AGAP3: variants seen among roughly 807,000 people sequenced by gnomAD.
AGAP3 encodes the protein arf-GAP with GTPase, ANK repeat and PH domain-containing protein 3.
In AGAP3, 24 loss-of-function variants were observed where a neutral mutation model predicts 96.9. The ratio of observed to expected loss-of-function variants is 0.25; its 90% CI spans 0.18 to 0.35. The LOEUF (loss-of-function observed/expected upper bound fraction) is 0.35. Ranked by LOEUF, AGAP3 falls within the 10% of genes least tolerant of loss-of-function variation. AGAP3 has a pLI of 1.00. For synonymous variants in AGAP3, 563 were observed against 536.1 expected (o/e 1.05, Z -0.69); for missense variants, 876 against 1,254.2 (o/e 0.70, Z 4.55).
chr7:151,119,851 C>T lies in AGAP3; in HGVS notation c.970-136C>T, dbSNP rs1799785340. The T allele has an allele frequency of 4.1e-6, 3 of 732,382 alleles. No homozygotes were observed. In the South Asian group the frequency reaches 5.4e-5, roughly 13 times the overall value. 45.4% of individuals were successfully genotyped at this position (732,382 alleles called of 1,614,324 possible). Reference sequence around the variant, plus strand: ...CAGGTGAATGTTCCCCCCATATCATCTGTAGGGGCTAGTGGCCCCTCTGCT... The same window carrying T: ...CAGGTGAATGTTCCCCCCATATCATTTGTAGGGGCTAGTGGCCCCTCTGCT... On this transcript the variant is annotated intron_variant, in intron 7 of 17. Transcript: ENST00000397238.
At position 151,142,168 on chromosome 7, in the gene AGAP3, A is replaced by T; in HGVS notation, c.1965A>T (p.Arg655=). ...QGCRSAKDKT[R]LGNQNAALAV... is the part of the protein sequence containing the mutation. ...TCTCTCCTGCTGTGCGACAGACTCGACTGGGGAACCAGAACGCAGCTCTGG... is the reference window on the plus strand; with the variant it reads ...TCTCTCCTGCTGTGCGACAGACTCGTCTGGGGAACCAGAACGCAGCTCTGG... Residue 655 remains arginine, a synonymous_variant, in exon 15 of 18, where the codon CGA becomes CGT. Coordinates refer to ENST00000397238, the MANE Select transcript of AGAP3 (RefSeq NM_031946.7). The surrounding 1 kb of genome is among the most constrained non-coding windows in gnomAD (Gnocchi z 7.5). 1 of 1,613,796 alleles carries T rather than the reference A, an allele frequency of 6.2e-7. No individual in the cohort carries two copies. The highest frequency in any genetic ancestry group is 1.7e-5 in the Admixed American group (1 of 60,014).
Position 151,138,161 on chromosome 7 carries a change from G to A in AGAP3, c.1514G>A (p.Ser505Asn). 6.2e-7 allele frequency: 1 copy of A among 1,603,904 alleles called. No individual in the cohort carries two copies. The highest frequency in any genetic ancestry group is 8.5e-7 in the Non-Finnish European group (1 of 1,175,820). The change falls in exon 12 of 18, where the codon AGC (serine) becomes AAC (asparagine). Residue 505 changes from serine (S) to asparagine (N), a missense_variant. Ser to Asn is a conservative substitution (Grantham distance 46, BLOSUM62 1). Coordinates refer to ENST00000397238, the MANE Select transcript of AGAP3 (RefSeq NM_031946.7). ...GGGTGAPHSA[S>N]SASLHSERPL... Reference sequence around the variant, plus strand: ...CCCCCAGGTGCCCCCCACTCGGCCAGCAGCGCATCCCTGCACTCTGAGCGC... The same window carrying A: ...CCCCCAGGTGCCCCCCACTCGGCCAACAGCGCATCCCTGCACTCTGAGCGC...
At chr7:151,119,163 C>T (rs1050940984) in intron 7 of AGAP3, 41 of 175,696 alleles carry the variant, frequency 2.3e-4, no homozygotes, top group African/African-American at 8.7e-4. Context: ...CCGACACCGA[C>T]GGAGTGGGGC....
chr7:151,132,577 T>C (rs1198835816), intron 10 of AGAP3, among the ~76,000 whole-genome samples: 1 of 152,210 alleles, frequency 6.6e-6, no homozygotes, highest in African/African-American at 2.4e-5. Flanking sequence ...CATAGCCACC[T>C]TGAGAATGAA....
At chr7:151,117,046 C>T (rs371496864) in intron 2 of AGAP3, 49 bp from the exon 3 acceptor site, 143 of 1,573,884 alleles carry the variant, frequency 9.1e-5, no homozygotes, top group Non-Finnish European at 1.2e-4. Context: ...TGGGTCTTCT[C>T]CCTCGTGCCC....
chr7:151,124,649 C>T (rs981537997), intron 9 of AGAP3, among the ~76,000 whole-genome samples: 1 of 152,168 alleles, frequency 6.6e-6, no homozygotes, highest in African/African-American at 2.4e-5. Context: ...AGGAGGCTCA[C>T]GTGGCCAGAG....
intron 1 of AGAP3, among the ~76,000 whole-genome samples, chr7:151,087,457 G>A (rs1432496991): frequency 6.6e-6 from 1 of 152,164 alleles, no homozygotes; most frequent in African/African-American, 2.4e-5. Context: ...GCAGTGGGGC[G>A]GGGGATCGGA....
chr7:151,128,512 C>A, intron 9 of AGAP3, 68 bp from the exon 10 acceptor site: 1 of 1,365,954 alleles, frequency 7.3e-7, no homozygotes, highest in Non-Finnish European at 1.0e-6. Flanking sequence ...CTGACGACAT[C>A]GTGACCTCCT....
Position 151,118,685 on chromosome 7 carries a change from C to T in AGAP3, c.969+53C>T. On this transcript the variant is annotated intron_variant, in intron 7 of 17. Transcript: ENST00000397238. The surrounding 1 kb of genome is among the most constrained non-coding windows in gnomAD (Gnocchi z 6.1). ...CCTGTCCCCACCATGTCTGTCTTGC[C>T]TCTGTGCGTCCTGCCACTTCTGCTG... 6.9e-6 allele frequency: 11 copies of T among 1,590,100 alleles called. No homozygotes were observed. The South Asian group carries it at 1.1e-4, about 16-fold the overall frequency.
At chr7:151,107,310 CAAA>C (rs1349995253) in intron 1 of AGAP3, among the ~76,000 whole-genome samples, 4 of 70,034 alleles carry the variant, frequency 5.7e-5, no homozygotes, top group Non-Finnish European at 9.1e-5. Context: ...GACTCCGGCT[CAAA>C]AAAAAAAAAA....
In AGAP3 at chr7:151,118,186, C is replaced by T. The variant is rs1355318099; in HGVS notation, c.707-24C>T. On this transcript the variant is annotated intron_variant, in intron 5 of 17. Coordinates refer to ENST00000397238, the MANE Select transcript of AGAP3 (RefSeq NM_031946.7). The surrounding 1 kb of genome is among the most constrained non-coding windows in gnomAD (Gnocchi z 6.1). The stretch of plus-strand genomic sequence containing the variant: ...CCCAGCTTCTCCGAAAGCTGAATGA[C>T]TCCCGCCCTCCCACCTCCAACAGAT... 17 of 1,591,724 alleles carry T rather than the reference C, an allele frequency of 1.1e-5. No homozygotes were observed. Among genetic ancestry groups the T allele is most frequent in the Non-Finnish European group, 1.4e-5 (16 of 1,164,904 alleles).
Position 151,141,444 on chromosome 7 carries a change from T to C in AGAP3, c.1805-454T>C. On this transcript the variant is annotated intron_variant, in intron 13 of 17. Coordinates refer to ENST00000397238, the MANE Select transcript of AGAP3 (RefSeq NM_031946.7). The surrounding 1 kb of genome is among the most constrained non-coding windows in gnomAD (Gnocchi z 4.2). ...CCCACGCTGACGCCGTCAGGAATAT[T>C]GGGTTTAATGAGCTGCAAAATGAGG... is the stretch of plus-strand genomic sequence containing the variant. 1 of 169,350 alleles carries C rather than the reference T, an allele frequency of 5.9e-6. No individual in the cohort carries two copies. The highest frequency in any genetic ancestry group is 1.3e-5 in the Non-Finnish European group (1 of 78,850). 10.5% of individuals were successfully genotyped at this position (169,350 alleles called of 1,614,324 possible).
intron 1 of AGAP3, among the ~76,000 whole-genome samples, chr7:151,088,453 C>T (rs1209602882): frequency 2.6e-5 from 4 of 152,344 alleles, no homozygotes; most frequent in Non-Finnish European, 4.4e-5. Flanking sequence ...GGCATTTGTG[C>T]GAGCCCTGGG....
chr7:151,122,704 T>G (rs371190738), intron 8 of AGAP3: 27 of 1,613,502 alleles, frequency 1.7e-5, no homozygotes, highest in Non-Finnish European at 2.3e-5. Context: ...GCCAAAATCT[T>G]TATTCTTTCG....
intron 1 of AGAP3, among the ~76,000 whole-genome samples, chr7:151,101,935 G>A (rs1431429373): frequency 2.0e-5 from 3 of 152,200 alleles, no homozygotes; most frequent in Non-Finnish European, 2.9e-5. Flanking sequence ...GCTGGCAGAG[G>A]TGAGTTCTGA....
rs544311308 is a variant in AGAP3 at position 151,108,011 on chromosome 7, G to T, written c.332-8782G>T. ...CCTCTGGCACGGCACCGGCCCATGC[G>T]GGGGGTGCAGCACATGCTGGTCGCG... is the stretch of plus-strand genomic sequence containing the variant. On this transcript the variant is annotated intron_variant, in intron 1 of 17. Transcript: ENST00000397238. This position sits in a 1 kb window ranked among gnomAD's most constrained non-coding sequence, Gnocchi z 4.2. Among the ~76,000 whole-genome samples the T allele has an allele frequency of 7.2e-5, 11 of 152,304 alleles. No individual in the cohort carries two copies. Among genetic ancestry groups the T allele is most frequent in the Admixed American group, 3.9e-4 (6 of 15,306 alleles).
At chr7:151,117,928 T>C (rs1232905925) in intron 5 of AGAP3, 151 bp downstream of exon 5, 27 of 1,179,852 alleles carry the variant, frequency 2.3e-5, no homozygotes, top group Non-Finnish European at 3.0e-5. Flanking sequence ...GTGCTGCTCG[T>C]GTCTGAGGGC....
At chr7:151,120,981 G>T in intron 8 of AGAP3, 1 of 472,128 alleles carries the variant, frequency 2.1e-6, no homozygotes, top group Non-Finnish European at 2.9e-6. Context: ...GTGAACCCCC[G>T]TGTGGGTTGT....
chr7:151,115,100 G>GCGCAGC, intron 1 of AGAP3: 1 of 1,029,514 alleles, frequency 9.7e-7, no homozygotes, highest in Non-Finnish European at 1.2e-6. Context: ...CGCCGACCCG[G>GCGCAGC]CGCAGCCGCA....
Sources: allele counts gnomAD v4.1 joint callset (sites outside exome capture counted in the v4.1 genomes callset), GRCh38; gene constraint gnomAD v4.1.1; non-coding constraint Gnocchi (gnomAD v3.1); transcripts MANE v1.5; gene names NCBI Gene and HGNC (gene_info 2026-07-23, HGNC 2026-07-21).